The following SMC6 variants were observed in gnomAD, a reference collection of about 807,000 sequenced individuals.
SMC6 encodes structural maintenance of chromosomes 6, also known as structural maintenance of chromosomes protein 6.
Under a neutral mutation model 142.2 loss-of-function variants are expected in SMC6, and 79 were observed. The ratio of observed to expected loss-of-function variants is 0.56; its 90% CI spans 0.46 to 0.67. SMC6 has a LOEUF of 0.67. Ranked by LOEUF, SMC6 falls within the 30% of genes least tolerant of loss-of-function variation. SMC6 has a pLI of 0.00. For missense variants in SMC6, 1,072 were observed against 1,284.0 expected, an observed-to-expected ratio of 0.83 and a Z score of 2.52; for synonymous variants, 411 against 412.4, an observed-to-expected ratio of 1.00 and a Z score of 0.04.
At chr2:17,719,406 G>A (rs1175116352) in intron 11 of SMC6, among the ~76,000 whole-genome samples, 2 of 152,060 alleles carry the variant, frequency 1.3e-5, no homozygotes, top group African/African-American at 4.8e-5. Context: ...AGGTGGTAAG[G>A]ATATAAAGAT....
At chr2:17,667,161 C>T (rs180785649) in intron 26 of SMC6, among the ~76,000 whole-genome samples, 1 of 152,306 alleles carries the variant, frequency 6.6e-6, no homozygotes, top group African/African-American at 2.4e-5. Flanking sequence ...CTAATTTGTA[C>T]AGTAATGGTT....
chr2:17,736,991 T>G lies in SMC6; in HGVS notation c.344+1230A>C, dbSNP rs977322318. Among the ~76,000 whole-genome samples, 4 of 152,284 alleles carry G rather than the reference T, an allele frequency of 2.6e-5. No individual in the cohort carries two copies. In the East Asian group the frequency reaches 7.7e-4, roughly 29 times the overall value. ...ATTAACTTAAAGGTGTTAAAATAAC[T>G]AATTTTTTGCTACAGACATCATTTT... On this transcript the variant is annotated intron_variant, in intron 5 of 27. Coordinates refer to ENST00000448223, the MANE Select transcript of SMC6 (RefSeq NM_001142286.2).
chr2:17,734,097 G>A (rs1257153708), intron 5 of SMC6, among the ~76,000 whole-genome samples: 3 of 152,062 alleles, frequency 2.0e-5, no homozygotes, highest in Non-Finnish European at 4.4e-5. Flanking sequence ...GAGAGTTGCA[G>A]AACAAACCAA....
At chr2:17,689,267 G>GT (rs1667593276) in intron 23 of SMC6, among the ~76,000 whole-genome samples, 1 of 151,830 alleles carries the variant, frequency 6.6e-6, no homozygotes, top group Admixed American at 6.6e-5. Context: ...AAAAAATATC[G>GT]TATAAAATCA....
intron 25 of SMC6, among the ~76,000 whole-genome samples, chr2:17,673,741 G>A (rs1334421484): frequency 6.6e-6 from 1 of 151,350 alleles, no homozygotes; most frequent in Non-Finnish European, 1.5e-5. Context: ...AGCTAATTTT[G>A]TATTTTTAGT....
In SMC6 at chr2:17,671,872, T is replaced by C. The variant is rs148355426; in HGVS notation, c.2911-1297A>G. On this transcript the variant is annotated intron_variant, in intron 25 of 27. Transcript: ENST00000448223. The stretch of plus-strand genomic sequence containing the variant: ...TTTTTGACAAAATTCCAGATATACA[T>C]ATATGCATACAAGGTGAAAAAAGAG... 5.7e-3 allele frequency among the ~76,000 whole-genome samples: 863 copies of C among 152,112 alleles called. 5 individuals are homozygous for C. The highest frequency in any genetic ancestry group is 9.8e-3 in the Non-Finnish European group (664 of 67,966).
chr2:17,748,824 A>G (rs946455209), intron 2 of SMC6, among the ~76,000 whole-genome samples: 1 of 152,252 alleles, frequency 6.6e-6, no homozygotes, highest in African/African-American at 2.4e-5. Flanking sequence ...GCAGTTAGCA[A>G]GCACTCAGAC....
chr2:17,734,923 G>A (rs765840054), intron 5 of SMC6, among the ~76,000 whole-genome samples: 1 of 152,004 alleles, frequency 6.6e-6, no homozygotes, highest in East Asian at 1.9e-4. Flanking sequence ...GTAGAGACGG[G>A]GTTTCGCCAT....
chr2:17,732,468 G>A (rs960146050), intron 5 of SMC6, among the ~76,000 whole-genome samples: 5 of 152,158 alleles, frequency 3.3e-5, no homozygotes, highest in African/African-American at 4.8e-5. Context: ...CGAGGCCAAG[G>A]TGGATGGATC....
intron 2 of SMC6, among the ~76,000 whole-genome samples, chr2:17,746,787 G>C (rs1474300558): frequency 6.6e-6 from 1 of 152,002 alleles, no homozygotes; most frequent in Non-Finnish European, 1.5e-5. Flanking sequence ...TTTTCCTTTA[G>C]AGTACATTTA....
chr2:17,666,922 T>C (rs2710675), intron 26 of SMC6, among the ~76,000 whole-genome samples: 40,528 of 151,996 alleles, frequency 0.27, 6,044 homozygotes, highest in Non-Finnish European at 0.33. Flanking sequence ...CTCAAGGGTA[T>C]AGTAAGCTAT....
At chr2:17,737,880 G>A (rs752922231) in intron 5 of SMC6, among the ~76,000 whole-genome samples, 1 of 152,190 alleles carries the variant, frequency 6.6e-6, no homozygotes, top group African/African-American at 2.4e-5. Flanking sequence ...ACTCACTGAT[G>A]CTGGGTTTGG....
At chr2:17,699,911 C>T (rs960005588) in intron 21 of SMC6, among the ~76,000 whole-genome samples, 11 of 151,440 alleles carry the variant, frequency 7.3e-5, no homozygotes, top group African/African-American at 1.2e-4. Context: ...TGTACACGTA[C>T]GAGACGTCTC....
In SMC6 at chr2:17,679,071, A is replaced by G. The variant is rs190794691; in HGVS notation, c.2805-107T>C. On this transcript the variant is annotated intron_variant, in intron 24 of 27. Transcript: ENST00000448223. Reference sequence around the variant, plus strand: ...GAAAACCAGATGGAAATATGCCAAAATGTAAACATTGGTTACTCATTTAAT... The same window carrying G: ...GAAAACCAGATGGAAATATGCCAAAGTGTAAACATTGGTTACTCATTTAAT... 1.1e-3 allele frequency: 756 copies of G among 673,594 alleles called. 2 individuals carry two copies. The highest frequency in any genetic ancestry group is 1.4e-3 in the Non-Finnish European group (569 of 409,482). The allele number at this position is 673,594 out of a possible 1,614,324, so 41.7% of individuals were successfully genotyped here.
chr2:17,682,175 G>A (rs902974589), intron 24 of SMC6, among the ~76,000 whole-genome samples: 2 of 152,122 alleles, frequency 1.3e-5, no homozygotes, highest in African/African-American at 2.4e-5. Context: ...TCTAATTCTA[G>A]TTCTCTTGCC....
Position 17,701,902 on chromosome 2 carries a change from AT to A in SMC6, c.2149del (p.Ile717Ter). The A allele has an allele frequency of 6.5e-7, 1 of 1,539,332 alleles. No homozygotes were observed. The highest frequency in any genetic ancestry group is 1.8e-5 in the Admixed American group (1 of 54,456). ...CCGAATTTCAGAAATATTTTTTCTT[AT>A]TTTCATCTAAAAGAAAAGTATTTGG... is the stretch of plus-strand genomic sequence containing the variant. ...QLHYKELKMK[I>X]RKNISEIREL... On this transcript the variant is annotated frameshift_variant, in exon 20 of 28. Transcript: ENST00000448223. LOFTEE classifies it high-confidence loss of function.
At chr2:17,732,588 A>G (rs1273916982) in intron 5 of SMC6, among the ~76,000 whole-genome samples, 3 of 151,892 alleles carry the variant, frequency 2.0e-5, no homozygotes, top group African/African-American at 7.3e-5. Context: ...AATCCCAGCT[A>G]CTCGGGAGGC....
chr2:17,716,619 C>A (rs1669099728), intron 14 of SMC6, 122 bp downstream of exon 14: 3 of 1,024,324 alleles, frequency 2.9e-6, no homozygotes, highest in South Asian at 1.8e-5. Context: ...AAAATAAAAT[C>A]TTTTTAAAAA....
intron 16 of SMC6, among the ~76,000 whole-genome samples, chr2:17,714,083 GTTTTTTTTGT>G (rs1668959416): frequency 8.5e-6 from 1 of 118,244 alleles, no homozygotes; most frequent in East Asian, 2.0e-4. Flanking sequence ...TTCATTTTTT[GTTTTTTTTGT>G]TTTTTTTTTT....
Sources: gnomAD v4.1 joint callset for allele counts (sites outside exome capture counted in the v4.1 genomes callset) on GRCh38, gnomAD v4.1.1 for gene constraint, MANE v1.5 for transcripts, NCBI Gene and HGNC (gene_info 2026-07-23, HGNC 2026-07-21) for gene names.